The following CDH2 variants were observed in gnomAD, a reference collection of about 807,000 sequenced individuals.
CDH2 encodes cadherin-2.
A neutral mutation model predicts 92.0 loss-of-function variants in CDH2; 17 were observed. The observed-to-expected ratio is 0.18, with a 90% CI of 0.13 to 0.28. The LOEUF is 0.28. Ranked by LOEUF, CDH2 falls within the 10% of genes least tolerant of loss-of-function variation. The pLI is 1.00. For missense variants in CDH2, 862 were observed against 1,133.1 expected, an observed-to-expected ratio of 0.76 and a Z score of 3.44; for synonymous variants, 419 against 415.9, an observed-to-expected ratio of 1.01 and a Z score of -0.09.
At chr18:28,170,415 G>A (rs1380386898) in intron 1 of CDH2, among the ~76,000 whole-genome samples, 1 of 151,958 alleles carries the variant, frequency 6.6e-6, no homozygotes, top group Non-Finnish European at 1.5e-5. Context: ...GCATGATCTC[G>A]GCTCACTGCA....
intron 15 of CDH2, among the ~76,000 whole-genome samples, chr18:27,956,577 C>A (rs1235015490): frequency 6.6e-6 from 1 of 152,130 alleles, no homozygotes; most frequent in Non-Finnish European, 1.5e-5. Flanking sequence ...CTTGCCTGGA[C>A]CAGAGAAAAA....
At chr18:28,113,708 A>T (rs1359816082) in intron 2 of CDH2, among the ~76,000 whole-genome samples, 1 of 151,912 alleles carries the variant, frequency 6.6e-6, no homozygotes, top group Non-Finnish European at 1.5e-5. Context: ...CACATAGTTT[A>T]AAAAAATAAC....
chr18:28,146,026 T>A (rs1358023010), intron 2 of CDH2, among the ~76,000 whole-genome samples: 2 of 152,098 alleles, frequency 1.3e-5, no homozygotes, highest in African/African-American at 4.8e-5. Context: ...GGCAAAAAGC[T>A]ATGTCCAATT....
rs74602761 is a variant in CDH2 at position 28,171,689 on chromosome 18, T to C, written c.60+5274A>G. Among the ~76,000 whole-genome samples the C allele has an allele frequency of 1.8e-3, 275 of 152,302 alleles. 7 individuals carry two copies. In the East Asian group the frequency reaches 0.035, roughly 20 times the overall value. ...TTACATTTTCGGCTGAAAAAAGCCT[T>C]TCCACAACCTTCGAAAAGGAGATGT... On this transcript the variant is annotated intron_variant, in intron 1 of 15. Transcript: ENST00000269141.
chr18:28,141,370 G>A (rs2015950727), intron 2 of CDH2, among the ~76,000 whole-genome samples: 1 of 151,884 alleles, frequency 6.6e-6, no homozygotes, highest in Non-Finnish European at 1.5e-5. Flanking sequence ...GAAGGAAAAT[G>A]CTTAATGACT....
intron 14 of CDH2, among the ~76,000 whole-genome samples, chr18:27,971,074 A>AT (rs1282018321): frequency 6.6e-6 from 1 of 152,152 alleles, no homozygotes; most frequent in Non-Finnish European, 1.5e-5. Context: ...CGTCTCTACT[A>AT]AAAATACAAA....
intron 2 of CDH2, among the ~76,000 whole-genome samples, chr18:28,132,647 C>T (rs1363448408): frequency 6.6e-6 from 1 of 152,154 alleles, no homozygotes; most frequent in Non-Finnish European, 1.5e-5. Context: ...GACTTAGCCC[C>T]TCCTAAAGCT....
At chr18:28,026,135 T>C (rs2013547737) in intron 2 of CDH2, among the ~76,000 whole-genome samples, 1 of 152,180 alleles carries the variant, frequency 6.6e-6, no homozygotes, top group Non-Finnish European at 1.5e-5. Flanking sequence ...GTAGCCCTGG[T>C]CTAGTCTTCA....
chr18:28,076,679 T>G (rs867189454), intron 2 of CDH2, among the ~76,000 whole-genome samples: 1 of 142,270 alleles, frequency 7.0e-6, no homozygotes, highest in Non-Finnish European at 1.5e-5. Context: ...TCCTAATGCT[T>G]TCCCTCCCCC....
intron 2 of CDH2, among the ~76,000 whole-genome samples, chr18:28,027,604 A>G (rs1375501727): frequency 6.6e-6 from 1 of 152,176 alleles, no homozygotes; most frequent in African/African-American, 2.4e-5. Context: ...TTTAGCTTTC[A>G]GTAGTCTAGT....
intron 2 of CDH2, among the ~76,000 whole-genome samples, chr18:28,118,586 G>A (rs1305039613): frequency 4.0e-5 from 6 of 149,426 alleles, no homozygotes; most frequent in African/African-American, 1.5e-4. Flanking sequence ...TTTAAATTTA[G>A]TTCAGTGTGT....
intron 2 of CDH2, among the ~76,000 whole-genome samples, chr18:28,079,695 G>A (rs897809880): frequency 2.0e-5 from 3 of 152,184 alleles, no homozygotes; most frequent in Admixed American, 6.5e-5. Context: ...CTGAGAAGGG[G>A]AGAGCCCTGT....
intron 1 of CDH2, among the ~76,000 whole-genome samples, chr18:28,158,886 T>A (rs1421399692): frequency 6.6e-6 from 1 of 152,210 alleles, no homozygotes; most frequent in East Asian, 1.9e-4. Flanking sequence ...TTCCCACTAA[T>A]CTTGTTTTTC....
intron 2 of CDH2, among the ~76,000 whole-genome samples, chr18:28,076,599 G>C (rs2014723668): frequency 6.6e-6 from 1 of 151,506 alleles, no homozygotes; most frequent in Admixed American, 6.6e-5. Flanking sequence ...GTGCAGGTTT[G>C]TTACATATGT....
chr18:28,105,371 AT>A (rs1390078436), intron 2 of CDH2, among the ~76,000 whole-genome samples: 1 of 152,218 alleles, frequency 6.6e-6, no homozygotes, highest in African/African-American at 2.4e-5. Context: ...CTCTATCAAG[AT>A]GTTGTGATTT....
intron 2 of CDH2, among the ~76,000 whole-genome samples, chr18:28,128,674 C>T (rs529666698): frequency 3.3e-5 from 5 of 150,194 alleles, no homozygotes; most frequent in African/African-American, 9.9e-5. Flanking sequence ...AAACAGGGCA[C>T]GACCCCGTCT....
chr18:28,080,029 G>A lies in CDH2; in HGVS notation c.173-66120C>T, dbSNP rs373413731. Among the ~76,000 whole-genome samples the A allele has an allele frequency of 3.9e-4, 60 of 152,232 alleles. No individual in the cohort carries two copies. In the East Asian group the frequency reaches 6.6e-3, roughly 17 times the overall value. ...TAGAGTATGATCCAGAGACCCTGAG[G>A]AGCTTTCAGTGACTAATGAGAGGTT... is the stretch of plus-strand genomic sequence containing the variant. On this transcript the variant is annotated intron_variant, in intron 2 of 15. Transcript: ENST00000269141.
At chr18:28,038,636 A>G (rs2013887891) in intron 2 of CDH2, among the ~76,000 whole-genome samples, 1 of 152,094 alleles carries the variant, frequency 6.6e-6, no homozygotes, top group East Asian at 1.9e-4. Context: ...AGAAAGTCAT[A>G]GATTATCTTG....
At chr18:28,082,954 A>G (rs2014859658) in intron 2 of CDH2, among the ~76,000 whole-genome samples, 1 of 152,182 alleles carries the variant, frequency 6.6e-6, no homozygotes, top group Non-Finnish European at 1.5e-5. Flanking sequence ...ACAGTCAACG[A>G]AAGTAGCAGA....
Sources: allele counts gnomAD v4.1 joint callset (sites outside exome capture counted in the v4.1 genomes callset), GRCh38; gene constraint gnomAD v4.1.1; transcripts MANE v1.5; gene names NCBI Gene and HGNC (gene_info 2026-07-23, HGNC 2026-07-21).